Variants in RBM28 observed in about 807,000 individuals in gnomAD.
RBM28 encodes the protein RNA-binding protein 28.
In RBM28, 78 loss-of-function variants were observed where a neutral mutation model predicts 98.3. That is an observed-to-expected ratio of 0.79 (90% CI 0.66 to 0.96). The LOEUF is 0.96. RBM28 is among the 40% of genes least tolerant of loss of function. The pLI is 0.00. For synonymous variants in RBM28, 306 were observed against 330.9 expected (o/e 0.92, Z 0.82); for missense variants, 838 against 913.0 (o/e 0.92, Z 1.06).
At chr7:128,341,292 T>C (rs1796718774) in intron 1 of RBM28, 1 of 741,300 alleles carries the variant, frequency 1.3e-6, no homozygotes, top group Non-Finnish European at 2.0e-6. Context: ...CCACTCACCT[T>C]TCAGAAAATG....
chr7:128,320,121 G>GCAAGAGA (rs1796190754), intron 14 of RBM28, among the ~76,000 whole-genome samples: 1 of 151,232 alleles, frequency 6.6e-6, no homozygotes, highest in African/African-American at 2.4e-5. Context: ...GGAAGCTGAG[G>GCAAGAGA]CAAGAGAATC....
At chr7:128,332,814 T>TA (rs1796510309) in intron 9 of RBM28, among the ~76,000 whole-genome samples, 1 of 152,146 alleles carries the variant, frequency 6.6e-6, no homozygotes, top group Non-Finnish European at 1.5e-5. Context: ...TCAGTAGAGC[T>TA]AAAACACAAC....
chr7:128,325,982 G>C (rs993976611), intron 10 of RBM28, 91 bp from the exon 11 acceptor site: 2 of 994,242 alleles, frequency 2.0e-6, no homozygotes, highest in African/African-American at 3.2e-5. Flanking sequence ...GACACAGAGT[G>C]GAAGGGATAG....
Position 128,335,569 on chromosome 7 carries a change from G to C in RBM28, c.920C>G (p.Thr307Ser). ...DDGEELAQSD[T>S]STEEQEDKAV... ...TTTATCCTCTTGCTCCTCAGTGCTG[G>C]TATCACTCTGAGCCAGTTCCTCTCC... The change falls in exon 8 of 19, where the codon ACC becomes AGC. Residue 307 changes from threonine to serine, a missense_variant. Thr to Ser is a moderately conservative substitution (Grantham distance 58). Coordinates refer to ENST00000223073, the MANE Select transcript of RBM28 (RefSeq NM_018077.3). 6.2e-7 allele frequency: 1 copy of C among 1,614,118 alleles called. No homozygotes were observed. The highest frequency in any genetic ancestry group is 8.5e-7 in the Non-Finnish European group (1 of 1,180,008).
chr7:128,333,385 A>G (rs1659267866), intron 8 of RBM28, 23 bp from the exon 9 acceptor site: 1 of 1,534,466 alleles, frequency 6.5e-7, no homozygotes, highest in African/African-American at 1.4e-5. Flanking sequence ...GAAAAACAAC[A>G]AACTGAAAGA....
chr7:128,325,381 A>G (rs943021071), intron 11 of RBM28, among the ~76,000 whole-genome samples: 16 of 152,258 alleles, frequency 1.1e-4, no homozygotes, highest in Non-Finnish European at 2.2e-4. Flanking sequence ...AAGAGGACTT[A>G]AGAAATAACA....
chr7:128,324,408 C>T, intron 12 of RBM28, 151 bp downstream of exon 12: 1 of 1,158,104 alleles, frequency 8.6e-7, no homozygotes, highest in Admixed American at 1.7e-5. Context: ...TAGAGAGCCA[C>T]ATTTATTAAA....
At position 128,299,183 on chromosome 7, in the gene RBM28, A is replaced by AG. The variant is rs1795749086; in HGVS notation, c.*11613dup. The AG allele has an allele frequency of 6.6e-6, 1 of 152,170 alleles. No individual in the cohort carries two copies. Among genetic ancestry groups the AG allele is most frequent in the Non-Finnish European group, 1.5e-5 (1 of 68,066 alleles). The allele number at this position is 152,170 out of a possible 1,614,324, so 9.4% of individuals were successfully genotyped here. On this transcript the variant is annotated 3_prime_UTR_variant, in exon 19 of 19. Transcript: ENST00000223073. The stretch of plus-strand genomic sequence containing the variant: ...AGAACTTGGGTCAGCCAAGAAGCAG[A>AG]GGGGGTGAGGGAAAAGCACGATCCA...
In RBM28 at chr7:128,335,610, G is replaced by A. The variant is rs748735152; in HGVS notation, c.879C>T (p.Ser293=). ...HSEEDSDLEE[S]DSIDDGEELA... Reference sequence around the variant, plus strand: ...GTTCCTCTCCATCATCAATACTATCGCTTTCCTCTAGGTCACTGTCCTCCT... The same window carrying A: ...GTTCCTCTCCATCATCAATACTATCACTTTCCTCTAGGTCACTGTCCTCCT... Residue 293 remains serine (S), a synonymous_variant, in exon 8 of 19, where the codon AGC becomes AGT. Coordinates refer to ENST00000223073, the MANE Select transcript of RBM28 (RefSeq NM_018077.3). 5.0e-6 allele frequency: 8 copies of A among 1,613,982 alleles called. No individual in the cohort carries two copies. Among genetic ancestry groups the A allele is most frequent in the East Asian group, 2.2e-5 (1 of 44,882 alleles).
rs552732537 is a variant in RBM28 at position 128,323,543 on chromosome 7, A to G, written c.1388T>C (p.Met463Thr). Residue 463 changes from methionine to threonine, a missense_variant, in exon 13 of 19, where the codon ATG (methionine) becomes ACG (threonine). Physicochemically the swap from Met to Thr is moderately conservative, Grantham distance 81. Coordinates refer to ENST00000223073, the MANE Select transcript of RBM28 (RefSeq NM_018077.3). ...KAAEGVSAADMAKRERFELLK... is the reference protein window; with the variant it reads ...KAAEGVSAADTAKRERFELLK... ...TCTACTCACCCGTTCTCTTTTGGCC[A>G]TATCAGCAGCACTCACACCCTCTGC... The G allele has an allele frequency of 4.3e-6, 7 of 1,614,274 alleles. 1 individual carries two copies. In the East Asian group the frequency reaches 8.9e-5, roughly 21 times the overall value.
In RBM28 at chr7:128,330,883, G is replaced by C; in HGVS notation, c.1065C>G (p.Leu355=). The C allele has an allele frequency of 6.2e-7, 1 of 1,614,096 alleles. No individual in the cohort carries two copies. Among genetic ancestry groups the C allele is most frequent in the Non-Finnish European group, 8.5e-7 (1 of 1,179,972 alleles). ...CATATTTGAGTTCTCCAAACTGTTG[G>C]AGAAGCTCCCCAAGTTCTTCTTCTT... ...DSEEEELGEL[L]QQFGELKYVR... Residue 355 remains leucine (L), a synonymous_variant, in exon 10 of 19, where the codon CTC becomes CTG. Transcript: ENST00000223073.
At chr7:128,337,004 G>C (rs767894723) in intron 6 of RBM28, 127 bp downstream of exon 6, 2 of 1,004,026 alleles carry the variant, frequency 2.0e-6, no homozygotes, top group South Asian at 2.6e-5. Context: ...CAAAGTGCTG[G>C]AATTACAGGC....
chr7:128,322,900 T>C (rs766658250), intron 13 of RBM28, among the ~76,000 whole-genome samples: 15 of 152,176 alleles, frequency 9.9e-5, no homozygotes, highest in Non-Finnish European at 1.9e-4. Context: ...TAAGGTTCCA[T>C]AGCTAATTCT....
Position 128,343,697 on chromosome 7 carries a change from A to G in RBM28, c.97T>C (p.Cys33Arg). ...LFSQVGPVKQ[C>R]FVVTEKGSKA... ...CTACCTTTTTCAGTCACCACGAAGC[A>G]CTGCTTCACCGGCCCCACCTGACTG... The change falls in exon 1 of 19, where the codon TGC (cysteine) becomes CGC (arginine). Residue 33 changes from cysteine to arginine, a missense_variant. Coordinates refer to ENST00000223073, the MANE Select transcript of RBM28 (RefSeq NM_018077.3). The G allele has an allele frequency of 6.2e-7, 1 of 1,611,046 alleles. No homozygotes were observed. The highest frequency in any genetic ancestry group is 8.5e-7 in the Non-Finnish European group (1 of 1,178,414).
intron 3 of RBM28, 93 bp downstream of exon 3, chr7:128,339,134 A>G (rs1334481786): frequency 3.4e-6 from 4 of 1,174,916 alleles, no homozygotes; most frequent in African/African-American, 3.0e-5. Context: ...ATTAAGCCCA[A>G]TTATACCATC....
intron 18 of RBM28, among the ~76,000 whole-genome samples, chr7:128,312,061 T>A (rs1244213075): frequency 6.6e-6 from 1 of 151,260 alleles, no homozygotes; most frequent in Admixed American, 6.7e-5. Context: ...GGCAACCAGG[T>A]AGTATGTGCC....
chr7:128,300,477 C>T lies in RBM28; in HGVS notation c.*10320G>A, dbSNP rs1459857427. ...CACAGACGGGTGCACAGTTAATATT[C>T]AGTTAACACCGGCTGGCTGAATGAA... On this transcript the variant is annotated 3_prime_UTR_variant, in exon 19 of 19. Transcript: ENST00000223073. 6.6e-6 allele frequency: 1 copy of T among 152,290 alleles called. No individual in the cohort carries two copies. Among genetic ancestry groups the T allele is most frequent in the African/African-American group, 2.4e-5 (1 of 41,460 alleles). 9.4% of individuals were successfully genotyped at this position (152,290 alleles called of 1,614,324 possible).
chr7:128,340,993 T>A, intron 1 of RBM28: 1 of 419,706 alleles, frequency 2.4e-6, no homozygotes, highest in Middle Eastern at 6.6e-4. Flanking sequence ...ACCAAGGAGA[T>A]GAAAACTACA....
At chr7:128,325,224 T>C (rs970722180) in intron 11 of RBM28, among the ~76,000 whole-genome samples, 5 of 152,168 alleles carry the variant, frequency 3.3e-5, no homozygotes, top group African/African-American at 1.2e-4. Context: ...AAAGGCCACA[T>C]GTGTATTTCA....
Sources: gnomAD v4.1 joint callset for allele counts (sites outside exome capture counted in the v4.1 genomes callset) on GRCh38, gnomAD v4.1.1 for gene constraint, MANE v1.5 for transcripts, NCBI Gene and HGNC (gene_info 2026-07-23, HGNC 2026-07-21) for gene names.